Variants in ELAPOR2 observed in about 807,000 individuals in gnomAD.
The protein encoded by ELAPOR2 is endosome/lysosome-associated apoptosis and autophagy regulator family member 2.
ELAPOR2 carries 89 observed loss-of-function variants against 120.7 expected under a neutral mutation model. The observed-to-expected ratio is 0.74, with a 90% CI of 0.62 to 0.88. ELAPOR2 has a LOEUF of 0.88. Among genes scored for constraint, ELAPOR2 ranks in the 40% least tolerant of loss-of-function variants. The pLI, the probability that ELAPOR2 is intolerant of heterozygous loss-of-function variation, is 0.00. For synonymous variants in ELAPOR2, 444 were observed against 444.9 expected (o/e 1.00, Z 0.03); for missense variants, 1,134 against 1,251.6 (o/e 0.91, Z 1.42).
intron 21 of ELAPOR2, among the ~76,000 whole-genome samples, chr7:86,884,412 T>G (rs1006417913): frequency 1.3e-5 from 2 of 152,134 alleles, no homozygotes; most frequent in Admixed American, 6.6e-5. Context: ...CACCACAAGT[T>G]TGAACTGCAC....
In ELAPOR2 at chr7:86,908,429, A is replaced by C. The variant is rs1789135747; in HGVS notation, c.2456+18T>G. The stretch of plus-strand genomic sequence containing the variant: ...TTTTGGTTAAAATATAGTCAAGGGA[A>C]ACAGCATCTTCACTTACTTATAAAA... On this transcript the variant is annotated intron_variant, in intron 17 of 21. Transcript: ENST00000450689. 1 of 1,345,320 alleles carries C rather than the reference A, an allele frequency of 7.4e-7. No individual in the cohort carries two copies. Among genetic ancestry groups the C allele is most frequent in the Non-Finnish European group, 1.0e-6 (1 of 953,560 alleles). The allele number at this position is 1,345,320 out of a possible 1,614,324, so 83.3% of individuals were successfully genotyped here. A position where few individuals can be genotyped will look rare whatever the true frequency, so the allele number is the denominator to read the frequency against.
chr7:86,914,803 G>A lies in ELAPOR2; in HGVS notation c.1651C>T (p.Gln551Ter), dbSNP rs983967620. 6.2e-7 allele frequency: 1 copy of A among 1,612,038 alleles called. No homozygotes were observed. Among genetic ancestry groups the A allele is most frequent in the Non-Finnish European group, 8.5e-7 (1 of 1,178,810 alleles). Reference protein sequence around the residue: ...VESWGGTKEKQAYTHIIFKNA... With the variant: ...VESWGGTKEK Reference sequence around the variant, plus strand: ...TTGAAGATGATATGGGTGTAAGCTTGTTTTTCTTTGGTTCCACCCCACGAT... The same window carrying A: ...TTGAAGATGATATGGGTGTAAGCTTATTTTTCTTTGGTTCCACCCCACGAT... The change falls in exon 13 of 22, where the codon CAA (glutamine) becomes TAA (stop). Residue 551 changes from glutamine to a stop codon, truncating the protein, a stop_gained. Coordinates refer to ENST00000450689, the MANE Select transcript of ELAPOR2 (RefSeq NM_001142749.3). LOFTEE classifies it high-confidence loss of function.
At chr7:86,919,851 T>C (rs751589216) in intron 10 of ELAPOR2, 1 of 152,486 alleles carries the variant, frequency 6.6e-6, no homozygotes, top group African/African-American at 2.4e-5. Context: ...CTGAGGAGTC[T>C]GTAGAACATG....
intron 17 of ELAPOR2, among the ~76,000 whole-genome samples, chr7:86,908,029 C>T (rs1789113939): frequency 6.6e-6 from 1 of 151,396 alleles, no homozygotes; most frequent in South Asian, 2.1e-4. Flanking sequence ...AAATTATAAT[C>T]AAAAATATTC....
At position 86,924,374 on chromosome 7, in the gene ELAPOR2, T is replaced by TACACACACACACACACAC. The variant is rs3057442; in HGVS notation, c.1399+1136_1399+1153dup. On this transcript the variant is annotated intron_variant, in intron 10 of 21. Coordinates refer to ENST00000450689, the MANE Select transcript of ELAPOR2 (RefSeq NM_001142749.3). Reference sequence around the variant, plus strand: ...CAGGTAATCTTTACTAGTAAGTGAATACACACACACACACACACACACACA... The same window carrying TACACACACACACACACAC: ...CAGGTAATCTTTACTAGTAAGTGAATACACACACACACACACACACACACACACACACACACACACACA... Among the ~76,000 whole-genome samples, 505 of 145,296 alleles carry TACACACACACACACACAC rather than the reference T, an allele frequency of 3.5e-3. 1 individual carries two copies. Among genetic ancestry groups the TACACACACACACACACAC allele is most frequent in the East Asian group, 0.012 (58 of 4,842 alleles).
At chr7:87,029,998 T>C (rs932342784) in intron 1 of ELAPOR2, among the ~76,000 whole-genome samples, 9 of 152,014 alleles carry the variant, frequency 5.9e-5, no homozygotes, top group Admixed American at 2.0e-4. Context: ...GACAAGAGAT[T>C]CAGGAAAATA....
intron 8 of ELAPOR2, among the ~76,000 whole-genome samples, chr7:86,927,163 A>G (rs897055010): frequency 2.6e-5 from 4 of 151,962 alleles, no homozygotes; most frequent in South Asian, 2.1e-4. Flanking sequence ...GTTCCTCATC[A>G]TGAAATAACT....
At chr7:87,025,874 C>T (rs1189204186) in intron 1 of ELAPOR2, among the ~76,000 whole-genome samples, 2 of 151,858 alleles carry the variant, frequency 1.3e-5, no homozygotes, top group African/African-American at 4.8e-5. Flanking sequence ...AAAAAATTGT[C>T]AATTAGAAAT....
At chr7:86,896,985 T>C (rs530042053) in intron 19 of ELAPOR2, among the ~76,000 whole-genome samples, 1 of 152,108 alleles carries the variant, frequency 6.6e-6, no homozygotes, top group African/African-American at 2.4e-5. Context: ...TACCAAATTA[T>C]ATAAAAAATA....
At chr7:86,946,305 T>C (rs1791006448) in intron 3 of ELAPOR2, among the ~76,000 whole-genome samples, 1 of 152,090 alleles carries the variant, frequency 6.6e-6, no homozygotes. Context: ...GAGTCTACAA[T>C]GATATAACCA....
chr7:86,982,269 A>T (rs573961325), intron 1 of ELAPOR2, among the ~76,000 whole-genome samples: 1 of 152,386 alleles, frequency 6.6e-6, no homozygotes, highest in Admixed American at 6.5e-5. Flanking sequence ...ACTTCTGCAG[A>T]CTTAAATGGC....
At chr7:87,032,871 G>C (rs1327862963) in intron 1 of ELAPOR2, among the ~76,000 whole-genome samples, 1 of 152,196 alleles carries the variant, frequency 6.6e-6, no homozygotes, top group Non-Finnish European at 1.5e-5. Flanking sequence ...TTGTGTGTGA[G>C]TAAAACACAG....
intron 1 of ELAPOR2, chr7:86,966,041 A>C: frequency 1.3e-6 from 1 of 782,240 alleles, no homozygotes; most frequent in Non-Finnish European, 1.6e-6. Flanking sequence ...GAGATTTCCC[A>C]AATCATCAAG....
chr7:86,936,367 G>C (rs1045614895), intron 8 of ELAPOR2, among the ~76,000 whole-genome samples: 4 of 151,936 alleles, frequency 2.6e-5, no homozygotes, highest in African/African-American at 7.2e-5. Flanking sequence ...ACAGGTGCAT[G>C]CCACTTTACC....
intron 12 of ELAPOR2, among the ~76,000 whole-genome samples, chr7:86,917,816 A>C (rs1479575197): frequency 4.0e-5 from 6 of 151,800 alleles, no homozygotes; most frequent in African/African-American, 1.2e-4. Context: ...GGAAAAAAAA[A>C]CACAAAAACA....
intron 1 of ELAPOR2, among the ~76,000 whole-genome samples, chr7:87,044,659 A>G (rs1408939627): frequency 6.6e-6 from 1 of 152,056 alleles, no homozygotes; most frequent in Non-Finnish European, 1.5e-5. Flanking sequence ...AAACCCTAGA[A>G]GAAAACCTAG....
chr7:86,920,337 A>C (rs1397776650), intron 10 of ELAPOR2, among the ~76,000 whole-genome samples: 2 of 152,162 alleles, frequency 1.3e-5, no homozygotes, highest in Admixed American at 1.3e-4. Context: ...GCCATAAAGC[A>C]GTCTGACCCA....
rs960005317 is a variant in ELAPOR2 at position 86,877,374 on chromosome 7, T to C, written c.*3097A>G. The stretch of plus-strand genomic sequence containing the variant: ...ACATTTTCTTTGGGCAAACTCAGTT[T>C]AGGAGTTGGGCCTGTCAACTGCAAT... On this transcript the variant is annotated 3_prime_UTR_variant, in exon 22 of 22. Coordinates refer to ENST00000450689, the MANE Select transcript of ELAPOR2 (RefSeq NM_001142749.3). The C allele has an allele frequency of 6.6e-6, 1 of 152,192 alleles. No individual in the cohort carries two copies. The highest frequency in any genetic ancestry group is 1.5e-5 in the Non-Finnish European group (1 of 68,038). 9.4% of individuals were successfully genotyped at this position (152,192 alleles called of 1,614,324 possible).
intron 1 of ELAPOR2, among the ~76,000 whole-genome samples, chr7:87,048,065 G>A (rs973238244): frequency 6.6e-6 from 1 of 152,076 alleles, no homozygotes; most frequent in Non-Finnish European, 1.5e-5. Context: ...CCAACGGGGT[G>A]AAACCCAATC....
Sources: gnomAD v4.1 joint callset for allele counts (sites outside exome capture counted in the v4.1 genomes callset) on GRCh38, gnomAD v4.1.1 for gene constraint, MANE v1.5 for transcripts, NCBI Gene and HGNC (gene_info 2026-07-23, HGNC 2026-07-21) for gene names.